Variants in ADARB1 observed in about 807,000 individuals in gnomAD.
The protein encoded by ADARB1 is adenosine deaminase RNA specific B1.
ADARB1 carries 10 observed loss-of-function variants against 52.4 expected under a neutral mutation model. That is an observed-to-expected ratio of 0.19 (90% CI 0.12 to 0.32). The LOEUF (loss-of-function observed/expected upper bound fraction) is 0.32. Ranked by LOEUF, ADARB1 falls within the 10% of genes least tolerant of loss-of-function variation. The probability of loss-of-function intolerance (pLI) is 1.00; values close to 1 mark genes in which losing one functional copy is unlikely to be tolerated. For synonymous variants in ADARB1, 349 were observed against 371.1 expected (o/e 0.94, Z 0.68); for missense variants, 643 against 922.3 (o/e 0.70, Z 3.92).
rs73907272 is a variant in ADARB1, at chr21:45,208,198, A to G, written c.1747+3462A>G. Reference sequence around the variant, plus strand: ...CTCAGCTGGCCCAGTTTGTTGTCCAACGCTCACTAAGATAAACCAAGAAGA... The same window carrying G: ...CTCAGCTGGCCCAGTTTGTTGTCCAGCGCTCACTAAGATAAACCAAGAAGA... On this transcript the variant is annotated intron_variant, in intron 9 of 10. Coordinates refer to ENST00000348831, the MANE Select transcript of ADARB1 (RefSeq NM_001112.4). This position sits in a 1 kb window ranked among gnomAD's most constrained non-coding sequence, Gnocchi z 5.6. Among the ~76,000 whole-genome samples the G allele has an allele frequency of 0.01, 1,579 of 152,300 alleles. 26 individuals carry two copies. The highest frequency in any genetic ancestry group is 0.035 in the African/African-American group (1,436 of 41,564).
At chr21:45,197,109 C>T (rs889285189) in intron 8 of ADARB1, among the ~76,000 whole-genome samples, 5 of 152,116 alleles carry the variant, frequency 3.3e-5, no homozygotes, top group Admixed American at 2.6e-4. Context: ...ACCCAGGAGG[C>T]GGAGGTTGCA....
chr21:45,116,674 A>G (rs917518046), intron 1 of ADARB1, among the ~76,000 whole-genome samples: 4 of 152,186 alleles, frequency 2.6e-5, no homozygotes, highest in Non-Finnish European at 5.9e-5. Context: ...CATTCTTCAC[A>G]TGGCAACAGC....
At chr21:45,188,481 T>G (rs946593605) in intron 8 of ADARB1, among the ~76,000 whole-genome samples, 2 of 152,202 alleles carry the variant, frequency 1.3e-5, no homozygotes, top group African/African-American at 2.4e-5. Flanking sequence ...GAATGAATTG[T>G]TTTTCATATT....
At chr21:45,092,358 A>C (rs13048325) in intron 1 of ADARB1, among the ~76,000 whole-genome samples, 10,889 of 152,256 alleles carry the variant, frequency 0.072, 441 homozygotes, top group Middle Eastern at 0.11. Flanking sequence ...CTCTCTTCTC[A>C]TTCTCTCTAC....
intron 1 of ADARB1, among the ~76,000 whole-genome samples, chr21:45,113,951 A>G (rs1372070620): frequency 6.6e-6 from 1 of 152,264 alleles, no homozygotes; most frequent in Non-Finnish European, 1.5e-5. Flanking sequence ...TTAGTTAAAA[A>G]TATGTTTGAG....
chr21:45,078,566 G>A (rs926140654), intron 1 of ADARB1, among the ~76,000 whole-genome samples: 1 of 152,368 alleles, frequency 6.6e-6, no homozygotes, highest in South Asian at 2.1e-4. Context: ...CAGGCACAGG[G>A]AACTCTCGGG....
At chr21:45,215,386 C>T (rs148573723) in intron 9 of ADARB1, among the ~76,000 whole-genome samples, 1 of 152,142 alleles carries the variant, frequency 6.6e-6, no homozygotes, top group East Asian at 1.9e-4. Flanking sequence ...CAGCTCAAGA[C>T]ATTTTTTTTT....
At chr21:45,171,820 GT>G in intron 3 of ADARB1, 136 bp downstream of exon 3, 1 of 801,460 alleles carries the variant, frequency 1.2e-6, no homozygotes, top group Non-Finnish European at 1.9e-6. Flanking sequence ...ACAGTGGCAT[GT>G]TTTTAATTTT....
At chr21:45,120,175 G>A (rs145836946) in intron 1 of ADARB1, among the ~76,000 whole-genome samples, 4 of 152,292 alleles carry the variant, frequency 2.6e-5, no homozygotes, top group Non-Finnish European at 4.4e-5. Flanking sequence ...AAATTTTGTT[G>A]GTGAAGTGCC....
At chr21:45,159,225 A>C (rs1462629101) in intron 2 of ADARB1, among the ~76,000 whole-genome samples, 1 of 152,196 alleles carries the variant, frequency 6.6e-6, no homozygotes, top group Non-Finnish European at 1.5e-5. Flanking sequence ...GGGACGTCTT[A>C]TATGGCAGCC....
rs918387142 is a variant in ADARB1, at chr21:45,204,329, C to T, written c.1566-226C>T. Among the ~76,000 whole-genome samples the T allele has an allele frequency of 9.2e-5, 14 of 152,240 alleles. No homozygotes were observed. The East Asian group carries it at 2.5e-3, about 27-fold the overall frequency. On this transcript the variant is annotated intron_variant, in intron 8 of 10. Coordinates refer to ENST00000348831, the MANE Select transcript of ADARB1 (RefSeq NM_001112.4). The surrounding 1 kb of genome is among the most constrained non-coding windows in gnomAD (Gnocchi z 4.4). ...ATGTGGCTCATTGATTGTGGGAAAA[C>T]GTAATGGTAAAAACAAACACAGTGT...
At chr21:45,084,277 C>T (rs934639941) in intron 1 of ADARB1, among the ~76,000 whole-genome samples, 7 of 152,198 alleles carry the variant, frequency 4.6e-5, no homozygotes, top group Admixed American at 2.6e-4. Context: ...ATGTGTAGTC[C>T]TGTCTAATGG....
At chr21:45,079,263 T>C (rs1405369567) in intron 1 of ADARB1, among the ~76,000 whole-genome samples, 1 of 152,254 alleles carries the variant, frequency 6.6e-6, no homozygotes, top group Non-Finnish European at 1.5e-5. Context: ...AATGCTTTCT[T>C]GTTACCCAGC....
chr21:45,109,563 G>A (rs2087440034), intron 1 of ADARB1, among the ~76,000 whole-genome samples: 1 of 152,230 alleles, frequency 6.6e-6, no homozygotes, highest in Admixed American at 6.5e-5. Context: ...CAGCGCACGG[G>A]GCTCTGCGCC....
Position 45,176,963 on chromosome 21 carries a change from C to T in ADARB1, c.963+299C>T, listed in dbSNP as rs530465538. The T allele has an allele frequency of 3.2e-6, 1 of 314,576 alleles. No individual in the cohort carries two copies. Among genetic ancestry groups the T allele is most frequent in the African/African-American group, 2.1e-5 (1 of 47,182 alleles). 19.5% of individuals were successfully genotyped at this position (314,576 alleles called of 1,614,324 possible). ...ATAACTCCCTTCCCGTTAGGCAACC[C>T]CCCCCATGACCCTCATCCCACAGCA... On this transcript the variant is annotated intron_variant, in intron 4 of 10. Transcript: ENST00000348831. The surrounding 1 kb of genome is among the most constrained non-coding windows in gnomAD (Gnocchi z 5.8).
intron 8 of ADARB1, among the ~76,000 whole-genome samples, chr21:45,195,869 C>T (rs1250344793): frequency 6.6e-6 from 1 of 152,160 alleles, no homozygotes; most frequent in Non-Finnish European, 1.5e-5. Context: ...TATATTCCTT[C>T]AATACTGTGT....
intron 2 of ADARB1, among the ~76,000 whole-genome samples, chr21:45,135,284 C>T (rs909369703): frequency 3.3e-5 from 5 of 152,202 alleles, no homozygotes; most frequent in African/African-American, 7.2e-5. Context: ...GAGAGCCCTC[C>T]GCCCTGTTCC....
intron 2 of ADARB1, among the ~76,000 whole-genome samples, chr21:45,134,242 T>C (rs2089197143): frequency 9.3e-6 from 1 of 107,388 alleles, no homozygotes; most frequent in East Asian, 3.1e-4. Flanking sequence ...GCCGGGTGTG[T>C]GCCCGACAGT....
intron 2 of ADARB1, among the ~76,000 whole-genome samples, chr21:45,168,583 T>A (rs908579262): frequency 6.6e-6 from 1 of 152,242 alleles, no homozygotes; most frequent in Non-Finnish European, 1.5e-5. Context: ...CTTTTGCACC[T>A]TTGTCCAAAA....
Sources: allele counts gnomAD v4.1 joint callset (sites outside exome capture counted in the v4.1 genomes callset), GRCh38; gene constraint gnomAD v4.1.1; non-coding constraint Gnocchi (gnomAD v3.1); transcripts MANE v1.5; gene names NCBI Gene and HGNC (gene_info 2026-07-23, HGNC 2026-07-21).